Variants in ACYP2 observed in about 807,000 individuals in gnomAD.
The protein encoded by ACYP2 is acylphosphatase 2.
Under a neutral mutation model 11.2 loss-of-function variants are expected in ACYP2, and 12 were observed. That is an observed-to-expected ratio of 1.08 (90% confidence interval 0.69 to 1.74). The LOEUF is 1.74. Among genes scored for constraint, ACYP2 ranks in the 40% most tolerant of loss-of-function variants. The pLI, the probability that ACYP2 is intolerant of heterozygous loss-of-function variation, is 0.00. For synonymous variants in ACYP2, 43 were observed against 32.2 expected, an observed-to-expected ratio of 1.33 and a Z score of -1.13; for missense variants, 134 against 101.9, an observed-to-expected ratio of 1.31 and a Z score of -1.35.
At chr2:54,234,553 G>A (rs1686389236) in intron 6 of ACYP2, among the ~76,000 whole-genome samples, 1 of 152,258 alleles carries the variant, frequency 6.6e-6, no homozygotes, top group African/African-American at 2.4e-5. Flanking sequence ...CACCTACCAA[G>A]TGGAAAATTT....
At chr2:54,025,297 A>G (rs1674221532) in intron 2 of ACYP2, among the ~76,000 whole-genome samples, 1 of 152,206 alleles carries the variant, frequency 6.6e-6, no homozygotes, top group Non-Finnish European at 1.5e-5. Flanking sequence ...AAAAGAACAC[A>G]TCAGGAGCCA....
chr2:54,251,290 C>T (rs936990321), intron 6 of ACYP2, among the ~76,000 whole-genome samples: 6 of 152,054 alleles, frequency 3.9e-5, no homozygotes, highest in Admixed American at 3.9e-4. Context: ...TCATGGTTTA[C>T]CCAAAAAGAT....
At chr2:54,210,439 GAATTACA>G (rs1178165352) in intron 6 of ACYP2, among the ~76,000 whole-genome samples, 1 of 151,916 alleles carries the variant, frequency 6.6e-6, no homozygotes, top group African/African-American at 2.4e-5. Flanking sequence ...AATATAAATA[GAATTACA>G]AAACCATTAC....
chr2:54,165,251 A>G (rs1039916244), intron 6 of ACYP2, among the ~76,000 whole-genome samples: 2 of 152,084 alleles, frequency 1.3e-5, no homozygotes, highest in African/African-American at 4.8e-5. Flanking sequence ...TGAAGTTGAT[A>G]TATTATTTCA....
chr2:54,030,397 AC>A (rs1396691309), intron 2 of ACYP2, among the ~76,000 whole-genome samples: 1 of 152,198 alleles, frequency 6.6e-6, no homozygotes, highest in Non-Finnish European at 1.5e-5. Flanking sequence ...CAAGGCTCCT[AC>A]TGACCATATG....
At chr2:54,268,020 A>G (rs948906154) in intron 6 of ACYP2, among the ~76,000 whole-genome samples, 14 of 152,234 alleles carry the variant, frequency 9.2e-5, no homozygotes, top group African/African-American at 3.4e-4. Context: ...AATTTTAAAA[A>G]TACATATATA....
intron 6 of ACYP2, among the ~76,000 whole-genome samples, chr2:54,199,374 C>G (rs1684655908): frequency 6.6e-6 from 1 of 152,188 alleles, no homozygotes; most frequent in South Asian, 2.1e-4. Context: ...TCAGATTTCA[C>G]TTGCCCAAGA....
At chr2:54,167,600 A>G (rs111709842) in intron 6 of ACYP2, among the ~76,000 whole-genome samples, 1 of 152,196 alleles carries the variant, frequency 6.6e-6, no homozygotes, top group Non-Finnish European at 1.5e-5. Flanking sequence ...CTACTGAGGC[A>G]TTTGAATATG....
chr2:54,197,901 TTTATTTTATTTTA>T (rs141096459), intron 6 of ACYP2, among the ~76,000 whole-genome samples: 19,613 of 149,136 alleles, frequency 0.13, 1,636 homozygotes, highest in South Asian at 0.31. Context: ...AGGATTTTAT[TTTATTTTATTTTA>T]TTATTTTATT....
At chr2:54,159,098 A>G (rs1682585218) in intron 6 of ACYP2, among the ~76,000 whole-genome samples, 1 of 152,062 alleles carries the variant, frequency 6.6e-6, no homozygotes, top group Non-Finnish European at 1.5e-5. Context: ...TACTACTATA[A>G]AACCACTCCT....
chr2:54,056,351 T>C (rs767277412), intron 3 of ACYP2, among the ~76,000 whole-genome samples: 3 of 152,262 alleles, frequency 2.0e-5, no homozygotes, highest in Non-Finnish European at 4.4e-5. Context: ...TCAAATAAAA[T>C]CATATGTTCT....
intron 4 of ACYP2, among the ~76,000 whole-genome samples, chr2:54,076,662 G>A (rs930961435): frequency 1.3e-4 from 20 of 152,216 alleles, no homozygotes; most frequent in African/African-American, 4.8e-4. Context: ...AAAGGCCAGA[G>A]TGTTTTGGAG....
chr2:54,009,953 C>G (rs901825511), intron 2 of ACYP2, among the ~76,000 whole-genome samples: 3 of 152,060 alleles, frequency 2.0e-5, no homozygotes, highest in Admixed American at 6.6e-5. Flanking sequence ...GAGTTTAAAC[C>G]CAGGCAGTTT....
intron 6 of ACYP2, among the ~76,000 whole-genome samples, chr2:54,235,967 T>G (rs910426227): frequency 8.5e-5 from 13 of 152,192 alleles, no homozygotes; most frequent in African/African-American, 2.9e-4. Context: ...GTTTATAAAT[T>G]TATTCATCAT....
At chr2:54,159,623 A>C (rs891233045) in intron 6 of ACYP2, among the ~76,000 whole-genome samples, 8 of 152,102 alleles carry the variant, frequency 5.3e-5, no homozygotes, top group African/African-American at 1.9e-4. Flanking sequence ...AAGATGATTA[A>C]AGGGGTTGTG....
intron 3 of ACYP2, chr2:54,051,727 A>T (rs1182684895): frequency 1.0e-5 from 6 of 576,014 alleles, no homozygotes; most frequent in Non-Finnish European, 1.9e-5. Flanking sequence ...AAAAGGAATC[A>T]TCAAGGCTGA....
chr2:54,251,523 ACATCAC>A (rs1203084386), intron 6 of ACYP2, among the ~76,000 whole-genome samples: 2 of 152,204 alleles, frequency 1.3e-5, no homozygotes, highest in Admixed American at 6.5e-5. Context: ...AAGACACAAA[ACATCAC>A]CAGCGCTTCA....
At chr2:54,077,644 C>A (rs1035087752) in intron 4 of ACYP2, among the ~76,000 whole-genome samples, 1 of 152,174 alleles carries the variant, frequency 6.6e-6, no homozygotes, top group African/African-American at 2.4e-5. Flanking sequence ...GAGTGTCCAG[C>A]AAAATTGTTC....
At chr2:54,296,725 A>C (rs1689537971) in intron 6 of ACYP2, among the ~76,000 whole-genome samples, 1 of 151,994 alleles carries the variant, frequency 6.6e-6, no homozygotes, top group Admixed American at 6.5e-5. Context: ...TTCATTTTCA[A>C]AACCTCTACA....
Sources: gnomAD v4.1 joint callset for allele counts (sites outside exome capture counted in the v4.1 genomes callset) on GRCh38, gnomAD v4.1.1 for gene constraint, MANE v1.5 for transcripts, NCBI Gene and HGNC (gene_info 2026-07-23, HGNC 2026-07-21) for gene names.